The following SPATA31H1 variants were observed in gnomAD, a reference collection of about 807,000 sequenced individuals.
SPATA31H1 encodes spermatogenesis-associated protein 31H1.
chr2:27,568,536 CAT>C, the SPATA31H1 span: 1 of 398,920 alleles, frequency 2.5e-6, no homozygotes, highest in Non-Finnish European at 4.4e-6. Context: ...AGCACAGCCA[CAT>C]GTTATAGAAT....
At chr2:27,554,818 C>T in the SPATA31H1 span, among the ~76,000 whole-genome samples, 1 of 152,000 alleles carries the variant, frequency 6.6e-6, no homozygotes, top group African/African-American at 2.4e-5. Flanking sequence ...AAGTGATCCA[C>T]CCACCTCAGC....
chr2:27,542,642 G>T, the SPATA31H1 span, among the ~76,000 whole-genome samples: 1 of 151,818 alleles, frequency 6.6e-6, no homozygotes, highest in African/African-American at 2.4e-5. Context: ...GGGTCACAAG[G>T]TCCTTTCCAT....
chr2:27,582,228 C>T, the SPATA31H1 span: 21 of 1,614,060 alleles, frequency 1.3e-5, no homozygotes, highest in East Asian at 8.9e-5. Flanking sequence ...GAGAAGCCAT[C>T]GCAGTCCCTC....
chr2:27,576,679 A>G, the SPATA31H1 span: 23 of 1,613,926 alleles, frequency 1.4e-5, no homozygotes, highest in Non-Finnish European at 1.9e-5. Context: ...CCAACTAGGA[A>G]GTTCCCATCA....
chr2:27,572,230 C>T, the SPATA31H1 span: 1 of 398,364 alleles, frequency 2.5e-6, no homozygotes, highest in Non-Finnish European at 4.4e-6. Flanking sequence ...ACCCCAGGAC[C>T]ACAGTTGCAC....
chr2:27,549,153 G>T, the SPATA31H1 span, among the ~76,000 whole-genome samples: 1 of 150,522 alleles, frequency 6.6e-6, no homozygotes, highest in Admixed American at 6.6e-5. Flanking sequence ...TTAAATGTCC[G>T]TATTGTCATT....
At chr2:27,566,468 A>G in the SPATA31H1 span, 1 of 682,360 alleles carries the variant, frequency 1.5e-6, no homozygotes, top group South Asian at 1.6e-5. Flanking sequence ...GGAGGGAGGG[A>G]GAGAGGGAGA....
At chr2:27,579,084 C>T in the SPATA31H1 span, 3 of 1,614,180 alleles carry the variant, frequency 1.9e-6, no homozygotes, top group Middle Eastern at 1.6e-4. Context: ...AGAGAACTCA[C>T]TTCAGAGACA....
chr2:27,565,313 T>A, the SPATA31H1 span: 1 of 715,846 alleles, frequency 1.4e-6, no homozygotes, highest in Non-Finnish European at 2.6e-6. Flanking sequence ...TCTGATTTTC[T>A]TTTTTCTTTT....
the SPATA31H1 span, among the ~76,000 whole-genome samples, chr2:27,542,134 T>C: frequency 2.5e-4 from 38 of 152,020 alleles, 1 homozygote; most frequent in African/African-American, 9.0e-4. Context: ...CGGTGGCTCA[T>C]GCCTGTAATC....
the SPATA31H1 span, chr2:27,576,688 C>T: frequency 6.2e-7 from 1 of 1,614,040 alleles, no homozygotes; most frequent in Non-Finnish European, 8.5e-7. Context: ...AAGTTCCCAT[C>T]AGGACCACTG....
the SPATA31H1 span, chr2:27,574,413 T>C: frequency 1.4e-4 from 56 of 398,394 alleles, no homozygotes; most frequent in African/African-American, 1.1e-3. Flanking sequence ...GGGGAGGAAG[T>C]TTCCAGGTGT....
chr2:27,571,347 G>C, the SPATA31H1 span: 1 of 398,330 alleles, frequency 2.5e-6, no homozygotes, highest in Non-Finnish European at 4.4e-6. Context: ...AAAATCTATG[G>C]AGATAACCTT....
the SPATA31H1 span, chr2:27,582,095 TTC>T: frequency 6.2e-7 from 1 of 1,612,502 alleles, no homozygotes; most frequent in Non-Finnish European, 8.5e-7. Context: ...ATCGTAGGAT[TTC>T]TGAGAGAAGT....
At chr2:27,579,964 A>G in the SPATA31H1 span, 1 of 1,614,168 alleles carries the variant, frequency 6.2e-7, no homozygotes. Context: ...TCAGGACTTA[A>G]TTGCCATCAT....
chr2:27,578,411 G>A, the SPATA31H1 span: 1 of 1,614,144 alleles, frequency 6.2e-7, no homozygotes, highest in South Asian at 1.1e-5. Context: ...CAATTCCTCA[G>A]GTTGTAGAAC....
the SPATA31H1 span, among the ~76,000 whole-genome samples, chr2:27,543,856 T>A: frequency 2.0e-5 from 3 of 152,008 alleles, no homozygotes; most frequent in Non-Finnish European, 4.4e-5. Context: ...ATTGTTTCCA[T>A]TTCAAGGAGC....
At chr2:27,579,737 T>C in the SPATA31H1 span, 5 of 1,614,190 alleles carry the variant, frequency 3.1e-6, no homozygotes, top group South Asian at 4.4e-5. Flanking sequence ...CACAGAGTGA[T>C]TCCCAGACAA....
chr2:27,578,727 T>G, the SPATA31H1 span: 6 of 1,614,134 alleles, frequency 3.7e-6, no homozygotes, highest in Non-Finnish European at 5.1e-6. Flanking sequence ...GAAGTTAACA[T>G]CAGAAGAGTT....
Sources: allele counts gnomAD v4.1 joint callset (sites outside exome capture counted in the v4.1 genomes callset), GRCh38; gene constraint gnomAD v4.1.1; transcripts MANE v1.5; gene names NCBI Gene and HGNC (gene_info 2026-07-23, HGNC 2026-07-21).